The following CDH13 variants were observed in gnomAD, a reference collection of about 807,000 sequenced individuals.
CDH13 encodes cadherin-13.
A neutral mutation model predicts 63.8 loss-of-function variants in CDH13; 24 were observed. The observed-to-expected ratio is 0.38, with a 90% CI of 0.27 to 0.53. The LOEUF is 0.53. CDH13 is among the 20% of genes least tolerant of loss of function. The pLI is 0.85. For missense variants in CDH13, 1,049 were observed against 903.1 expected, an observed-to-expected ratio of 1.16 and a Z score of -2.07; for synonymous variants, 503 against 355.3, an observed-to-expected ratio of 1.42 and a Z score of -4.67.
At chr16:82,697,591 G>C (rs1259839498) in intron 1 of CDH13, among the ~76,000 whole-genome samples, 17 of 151,794 alleles carry the variant, frequency 1.1e-4, no homozygotes, top group Admixed American at 1.1e-3. Context: ...ACTATGCCCA[G>C]CTAATTTTTT....
chr16:82,706,078 C>A (rs911660219), intron 1 of CDH13, among the ~76,000 whole-genome samples: 1 of 151,042 alleles, frequency 6.6e-6, no homozygotes, highest in African/African-American at 2.4e-5. Flanking sequence ...TCTCTTCCTC[C>A]CTTTCTTCTT....
chr16:83,535,977 A>T (rs1029277961), intron 7 of CDH13, among the ~76,000 whole-genome samples: 3 of 151,930 alleles, frequency 2.0e-5, no homozygotes, highest in Admixed American at 6.6e-5. Flanking sequence ...AAAGAAAAGA[A>T]AGAAACCCAT....
At chr16:83,201,994 G>A (rs1198770915) in intron 4 of CDH13, among the ~76,000 whole-genome samples, 1 of 152,172 alleles carries the variant, frequency 6.6e-6, no homozygotes, top group East Asian at 1.9e-4. Flanking sequence ...GTTTGAGCCT[G>A]CATGGGATTC....
intron 7 of CDH13, among the ~76,000 whole-genome samples, chr16:83,563,215 A>G (rs145067087): frequency 1.3e-5 from 2 of 152,358 alleles, no homozygotes; most frequent in African/African-American, 2.4e-5. Context: ...GGAGTCTCCA[A>G]CAGAGCCTAA....
At chr16:82,745,259 A>G (rs1021778198) in intron 1 of CDH13, among the ~76,000 whole-genome samples, 3 of 152,184 alleles carry the variant, frequency 2.0e-5, no homozygotes, top group Non-Finnish European at 4.4e-5. Flanking sequence ...GGTTTTAGGA[A>G]GAAATCCAAG....
chr16:83,659,863 T>G (rs994916275), intron 8 of CDH13, among the ~76,000 whole-genome samples: 1 of 148,970 alleles, frequency 6.7e-6, no homozygotes, highest in Non-Finnish European at 1.5e-5. Flanking sequence ...CTTGGCTCAC[T>G]GCAACCTCCA....
At chr16:83,356,181 C>T (rs2091050205) in intron 6 of CDH13, among the ~76,000 whole-genome samples, 1 of 149,506 alleles carries the variant, frequency 6.7e-6, no homozygotes, top group South Asian at 2.1e-4. Flanking sequence ...AGAGCATTTT[C>T]TTACACAGAT....
At chr16:83,572,177 TGTGTGTGTG>T (rs1567774947) in intron 7 of CDH13, among the ~76,000 whole-genome samples, 2 of 61,642 alleles carry the variant, frequency 3.2e-5, no homozygotes, top group African/African-American at 1.3e-4. Flanking sequence ...TTTCCTGTGG[TGTGTGTGTG>T]TGTGTGTGTG....
At chr16:83,052,323 A>G (rs929566622) in intron 3 of CDH13, among the ~76,000 whole-genome samples, 1 of 152,212 alleles carries the variant, frequency 6.6e-6, no homozygotes, top group African/African-American at 2.4e-5. Flanking sequence ...ACCATCCTAT[A>G]GAAATAAGAT....
chr16:83,677,260 GT>G lies in CDH13; in HGVS notation c.1285-945del, dbSNP rs1915036496. On this transcript the variant is annotated intron_variant, in intron 9 of 13. Transcript: ENST00000567109. The stretch of plus-strand genomic sequence containing the variant: ...TTGTATTACCAATGTTTATCATGGA[GT>G]TTCTTTGACATCCTCTGGTTTAGTC... Among the ~76,000 whole-genome samples, 8 of 152,336 alleles carry G rather than the reference GT, an allele frequency of 5.3e-5. No individual in the cohort carries two copies. The South Asian group carries it at 1.5e-3, about 28-fold the overall frequency.
chr16:83,463,086 A>T (rs2073221109), intron 6 of CDH13, among the ~76,000 whole-genome samples: 1 of 152,118 alleles, frequency 6.6e-6, no homozygotes, highest in Non-Finnish European at 1.5e-5. Flanking sequence ...TGCCTCGGGA[A>T]GGAGTGTTGG....
At chr16:83,031,062 T>A (rs527375772) in intron 2 of CDH13, among the ~76,000 whole-genome samples, 1 of 151,550 alleles carries the variant, frequency 6.6e-6, no homozygotes, top group Non-Finnish European at 1.5e-5. Context: ...TATATGGTGC[T>A]GCATATTGTG....
intron 1 of CDH13, among the ~76,000 whole-genome samples, chr16:82,730,576 T>C (rs981800673): frequency 1.3e-5 from 2 of 152,152 alleles, no homozygotes; most frequent in South Asian, 2.1e-4. Flanking sequence ...ATGACAGATA[T>C]CATAATAATT....
chr16:83,248,258 T>G (rs1490788882), intron 5 of CDH13, among the ~76,000 whole-genome samples: 1 of 152,036 alleles, frequency 6.6e-6, no homozygotes, highest in Non-Finnish European at 1.5e-5. Context: ...GTGCATGAGC[T>G]CACGCGTGGG....
rs533498815 is a variant in CDH13 at position 83,355,009 on chromosome 16, T to G, written c.781+10003T>G. The stretch of plus-strand genomic sequence containing the variant: ...CCTGATCCTCTGCAAATAAAAAGTT[T>G]GCAGACCCCTGGCTTAGAACTCCAT... On this transcript the variant is annotated intron_variant, in intron 6 of 13. Coordinates refer to ENST00000567109, the MANE Select transcript of CDH13 (RefSeq NM_001257.5). 1.3e-3 allele frequency among the ~76,000 whole-genome samples: 201 copies of G among 152,340 alleles called. 1 individual carries two copies. Among genetic ancestry groups the G allele is most frequent in the African/African-American group, 4.6e-3 (193 of 41,576 alleles).
chr16:82,835,138 G>A (rs1025166512), intron 1 of CDH13, among the ~76,000 whole-genome samples: 2 of 152,178 alleles, frequency 1.3e-5, no homozygotes, highest in South Asian at 2.1e-4. Flanking sequence ...TAGAAATTGC[G>A]AATGAAATAT....
intron 2 of CDH13, among the ~76,000 whole-genome samples, chr16:83,019,645 G>A (rs1915152823): frequency 6.6e-6 from 1 of 151,470 alleles, no homozygotes; most frequent in South Asian, 2.1e-4. Flanking sequence ...ACAGGCACCA[G>A]CCACCCCACC....
chr16:83,623,556 A>G (rs1910006935), intron 8 of CDH13, among the ~76,000 whole-genome samples: 1 of 152,116 alleles, frequency 6.6e-6, no homozygotes, highest in Admixed American at 6.5e-5. Context: ...CAAATCTAAC[A>G]AACAGCACTT....
At chr16:82,921,229 G>T (rs181596523) in intron 2 of CDH13, among the ~76,000 whole-genome samples, 1 of 151,910 alleles carries the variant, frequency 6.6e-6, no homozygotes, top group Admixed American at 6.6e-5. Flanking sequence ...GTCCAAAATC[G>T]GCATCAGTGG....
Sources: gnomAD v4.1 joint callset for allele counts (sites outside exome capture counted in the v4.1 genomes callset) on GRCh38, gnomAD v4.1.1 for gene constraint, MANE v1.5 for transcripts, NCBI Gene and HGNC (gene_info 2026-07-23, HGNC 2026-07-21) for gene names.